CTNNA3: variants seen among roughly 807,000 people sequenced by gnomAD.
CTNNA3 encodes catenin alpha 3.
CTNNA3 carries 76 observed loss-of-function variants against 95.7 expected under a neutral mutation model. The observed-to-expected ratio is 0.79, with a 90% CI of 0.66 to 0.96. The LOEUF (loss-of-function observed/expected upper bound fraction) is 0.96. Among genes scored for constraint, CTNNA3 ranks in the 40% least tolerant of loss-of-function variants. The pLI is 0.00. For synonymous variants in CTNNA3, 431 were observed against 374.4 expected, an observed-to-expected ratio of 1.15 and a Z score of -1.74; for missense variants, 1,191 against 1,089.8, an observed-to-expected ratio of 1.09 and a Z score of -1.31.
chr10:66,036,667 C>T (rs7905743), intron 15 of CTNNA3, among the ~76,000 whole-genome samples: 64 of 152,176 alleles, frequency 4.2e-4, no homozygotes, highest in African/African-American at 1.5e-3. Context: ...TGAGCCACCA[C>T]GTCCAGCTTG....
At chr10:66,009,407 C>T (rs2078961982) in intron 15 of CTNNA3, among the ~76,000 whole-genome samples, 2 of 152,170 alleles carry the variant, frequency 1.3e-5, no homozygotes, top group Admixed American at 1.3e-4. Flanking sequence ...AGTGACAGCA[C>T]CACAGACAAC....
chr10:66,368,686 A>G (rs2092731052), intron 12 of CTNNA3, among the ~76,000 whole-genome samples: 1 of 152,168 alleles, frequency 6.6e-6, no homozygotes, highest in Non-Finnish European at 1.5e-5. Flanking sequence ...ATACCGATTT[A>G]CCAACAGAAG....
intron 3 of CTNNA3, among the ~76,000 whole-genome samples, chr10:67,595,889 T>C (rs1842920732): frequency 6.6e-6 from 1 of 152,202 alleles, no homozygotes; most frequent in Non-Finnish European, 1.5e-5. Context: ...ATGCCCTTCT[T>C]TGTCTTTTGT....
In CTNNA3 at chr10:66,001,254, C is replaced by T. The variant is rs534338446; in HGVS notation, c.2160-12457G>A. On this transcript the variant is annotated intron_variant, in intron 15 of 17. Transcript: ENST00000433211. ...TTATTACTTCTTTCTGTCTCTTATT[C>T]CCATTACCCTTCCTCCCTCTCTCCT... is the stretch of plus-strand genomic sequence containing the variant. 3.9e-5 allele frequency among the ~76,000 whole-genome samples: 6 copies of T among 152,200 alleles called. No individual in the cohort carries two copies. In the East Asian group the frequency reaches 1.2e-3, roughly 29 times the overall value.
intron 6 of CTNNA3, among the ~76,000 whole-genome samples, chr10:67,198,659 G>A (rs1032512593): frequency 2.0e-5 from 3 of 152,152 alleles, no homozygotes; most frequent in African/African-American, 7.2e-5. Context: ...TGCTGGTGCT[G>A]TTCTCATAGG....
At chr10:67,401,451 C>T (rs1844918784) in intron 5 of CTNNA3, among the ~76,000 whole-genome samples, 1 of 152,052 alleles carries the variant, frequency 6.6e-6, no homozygotes, top group Non-Finnish European at 1.5e-5. Flanking sequence ...GTCCCAGAGA[C>T]TGAAGAAGAA....
chr10:66,117,932 G>A (rs370629939), intron 13 of CTNNA3, among the ~76,000 whole-genome samples: 3 of 152,122 alleles, frequency 2.0e-5, no homozygotes, highest in African/African-American at 7.2e-5. Flanking sequence ...GGCCCTGCCC[G>A]CCTTCTAAAG....
chr10:66,510,574 T>C (rs1288747054), intron 11 of CTNNA3, among the ~76,000 whole-genome samples: 5 of 151,936 alleles, frequency 3.3e-5, no homozygotes, highest in Non-Finnish European at 7.4e-5. Context: ...ATTCCCTCTA[T>C]GCCTAATTTG....
Position 67,475,295 on chromosome 10 carries a change from G to A in CTNNA3, c.579+46547C>T, listed in dbSNP as rs75615986. ...GGAGTTAACCACAAGGGACAGAAGT[G>A]AATTTTGTGGGTGGTAGAACTGTTC... On this transcript the variant is annotated intron_variant, in intron 5 of 17. Coordinates refer to ENST00000433211, the MANE Select transcript of CTNNA3 (RefSeq NM_013266.4). Among the ~76,000 whole-genome samples the A allele has an allele frequency of 0.029, 4,421 of 152,270 alleles. 410 individuals are homozygous for A. The East Asian group carries it at 0.34, about 12-fold the overall frequency.
At chr10:66,781,339 T>C (rs1220026727) in intron 7 of CTNNA3, among the ~76,000 whole-genome samples, 1 of 152,206 alleles carries the variant, frequency 6.6e-6, no homozygotes, top group Non-Finnish European at 1.5e-5. Flanking sequence ...TTAAACTTAG[T>C]TCTTCTCTAA....
chr10:66,715,944 A>G (rs986903868), intron 9 of CTNNA3, among the ~76,000 whole-genome samples: 2 of 152,126 alleles, frequency 1.3e-5, no homozygotes, highest in Non-Finnish European at 2.9e-5. Context: ...ATTCTTAAAT[A>G]TTCAAATTAT....
intron 7 of CTNNA3, among the ~76,000 whole-genome samples, chr10:67,127,208 T>C (rs1859760045): frequency 6.6e-6 from 1 of 152,218 alleles, no homozygotes; most frequent in African/African-American, 2.4e-5. Context: ...CTATCCTATC[T>C]AGTTCTATTT....
At chr10:66,348,916 C>T (rs927684759) in intron 12 of CTNNA3, among the ~76,000 whole-genome samples, 3 of 152,030 alleles carry the variant, frequency 2.0e-5, no homozygotes, top group Non-Finnish European at 2.9e-5. Context: ...AAGATTTAGG[C>T]TTGCATTTTA....
intron 7 of CTNNA3, among the ~76,000 whole-genome samples, chr10:66,904,671 G>GA (rs929203802): frequency 1.3e-5 from 2 of 151,826 alleles, no homozygotes; most frequent in Non-Finnish European, 2.9e-5. Context: ...AAATTTACAA[G>GA]AAAAAAACAA....
intron 6 of CTNNA3, among the ~76,000 whole-genome samples, chr10:67,184,864 T>A (rs184009548): frequency 3.3e-5 from 5 of 152,212 alleles, no homozygotes; most frequent in African/African-American, 1.2e-4. Context: ...TTCAAACTGA[T>A]GTTTTATCTT....
At chr10:67,332,495 T>G (rs77441704) in intron 5 of CTNNA3, among the ~76,000 whole-genome samples, 2,648 of 152,222 alleles carry the variant, frequency 0.017, 81 homozygotes, top group African/African-American at 0.057. Context: ...ACTCCTCCAT[T>G]AGGAACTAGT....
At chr10:67,684,610 T>G (rs2133575304) in intron 1 of CTNNA3, among the ~76,000 whole-genome samples, 1 of 152,318 alleles carries the variant, frequency 6.6e-6, no homozygotes, top group South Asian at 2.1e-4. Context: ...AGAAGGGGCC[T>G]GCCCTGCAGT....
At chr10:67,740,887 T>C (rs1476611245) in intron 1 of CTNNA3, among the ~76,000 whole-genome samples, 1 of 151,086 alleles carries the variant, frequency 6.6e-6, no homozygotes, top group Non-Finnish European at 1.5e-5. Context: ...CTATTCACAA[T>C]AGCAAAGACT....
At chr10:67,200,694 C>G (rs1362277152) in intron 6 of CTNNA3, among the ~76,000 whole-genome samples, 1 of 152,142 alleles carries the variant, frequency 6.6e-6, no homozygotes, top group Non-Finnish European at 1.5e-5. Context: ...GACAATACTG[C>G]TCAGCCTACT....
Sources: gnomAD v4.1 joint callset for allele counts (sites outside exome capture counted in the v4.1 genomes callset) on GRCh38, gnomAD v4.1.1 for gene constraint, MANE v1.5 for transcripts, NCBI Gene and HGNC (gene_info 2026-07-23, HGNC 2026-07-21) for gene names.